The following TPRG1L variants were observed in gnomAD, a reference collection of about 807,000 sequenced individuals.
TPRG1L encodes the protein tumor protein p63-regulated gene 1-like protein.
A neutral mutation model predicts 29.4 loss-of-function variants in TPRG1L; 25 were observed. That is an observed-to-expected ratio of 0.85 (90% CI 0.62 to 1.19). The LOEUF (loss-of-function observed/expected upper bound fraction) is 1.19. Among genes scored for constraint, TPRG1L ranks in the 50% most tolerant of loss-of-function variants. The pLI is 0.00. For missense variants in TPRG1L, 354 were observed against 364.4 expected, an observed-to-expected ratio of 0.97 and a Z score of 0.23; for synonymous variants, 182 against 151.1, an observed-to-expected ratio of 1.20 and a Z score of -1.50.
intron 1 of TPRG1L, 53 bp from the exon 2 acceptor site, chr1:3,625,371 C>G: frequency 6.5e-7 from 1 of 1,545,594 alleles, no homozygotes; most frequent in Non-Finnish European, 8.7e-7. Context: ...CCGCAGGGAG[C>G]GAGCTGTGAC....
Position 3,625,764 on chromosome 1 carries a change from G to A in TPRG1L, c.345G>A (p.Gln115=), listed in dbSNP as rs760976802. 1 of 1,613,598 alleles carries A rather than the reference G, an allele frequency of 6.2e-7. No homozygotes were observed. The highest frequency in any genetic ancestry group is 1.7e-5 in the Admixed American group (1 of 60,026). Residue 115 remains glutamine (Q), a synonymous_variant, in exon 3 of 5, where the codon CAG becomes CAA. Coordinates refer to ENST00000378344, the MANE Select transcript of TPRG1L (RefSeq NM_182752.4). ...EKERLVLVTE[Q]SLLICKYDFI... is the part of the protein sequence containing the mutation. ...AGCGGCTGGTGCTGGTCACGGAGCAGTCCCTGCTTATCTGTAAATACGACT... is the reference window on the plus strand; with the variant it reads ...AGCGGCTGGTGCTGGTCACGGAGCAATCCCTGCTTATCTGTAAATACGACT...
At chr1:3,627,409 C>A in intron 3 of TPRG1L, 91 bp from the exon 4 acceptor site, 1 of 1,465,116 alleles carries the variant, frequency 6.8e-7, no homozygotes, top group Non-Finnish European at 9.4e-7. Context: ...TTTTTGCTGT[C>A]ATATTCTCCT....
rs1278670545 is a variant in TPRG1L at position 3,628,679 on chromosome 1, G to A, written c.*76G>A. On this transcript the variant is annotated 3_prime_UTR_variant, in exon 5 of 5. Coordinates refer to ENST00000378344, the MANE Select transcript of TPRG1L (RefSeq NM_182752.4). ...CAGAAGGCCAAGGGATGTGGGGGCT[G>A]GGGGACTGGGAGGCCTGGCAGTCTT... The A allele has an allele frequency of 1.4e-6, 2 of 1,445,448 alleles. No homozygotes were observed. Among genetic ancestry groups the A allele is most frequent in the East Asian group, 2.4e-5 (1 of 42,258 alleles). The allele number at this position is 1,445,448 out of a possible 1,614,324, so 89.5% of individuals were successfully genotyped here. A position where few individuals can be genotyped will look rare whatever the true frequency, so the allele number is the denominator to read the frequency against.
At position 3,625,863 on chromosome 1, in the gene TPRG1L, C is replaced by G. The variant is rs1644484203; in HGVS notation, c.444C>G (p.Phe148Leu). Reference protein sequence around the residue: ...NAVDTISYGEFQFPPKSLNKR... With the variant: ...NAVDTISYGELQFPPKSLNKR... The stretch of plus-strand genomic sequence containing the variant: ...TAGACACCATTTCCTACGGAGAATT[C>G]CAGTTTCCCCCTAAATCGCTCAACA... Residue 148 changes from phenylalanine (F) to leucine (L), a missense_variant, in exon 3 of 5, where the codon TTC becomes TTG. Coordinates refer to ENST00000378344, the MANE Select transcript of TPRG1L (RefSeq NM_182752.4). 6.2e-7 allele frequency: 1 copy of G among 1,612,250 alleles called. No individual in the cohort carries two copies. The highest frequency in any genetic ancestry group is 1.3e-5 in the African/African-American group (1 of 74,898).
chr1:3,627,575 G>T lies in TPRG1L; in HGVS notation c.546G>T (p.Trp182Cys). The change falls in exon 4 of 5, where the codon TGG becomes TGT. Residue 182 changes from tryptophan to cysteine, a missense_variant. Trp to Cys is a radical substitution (Grantham distance 215). Coordinates refer to ENST00000378344, the MANE Select transcript of TPRG1L (RefSeq NM_182752.4). ...RPSFINRWNPWSTNVPYATFT... is the reference protein window; with the variant it reads ...RPSFINRWNPCSTNVPYATFT... ...CCTTCATAAACAGATGGAATCCCTG[G>T]TCTACCAACGTGCCCTATGCCACTT... 1 of 1,614,030 alleles carries T rather than the reference G, an allele frequency of 6.2e-7. No homozygotes were observed. Among genetic ancestry groups the T allele is most frequent in the Non-Finnish European group, 8.5e-7 (1 of 1,180,024 alleles).
rs1644505812 is a variant in TPRG1L, at chr1:3,628,662, C to T, written c.*59C>T. On this transcript the variant is annotated 3_prime_UTR_variant, in exon 5 of 5. Coordinates refer to ENST00000378344, the MANE Select transcript of TPRG1L (RefSeq NM_182752.4). ...GAGCTCCTCCCCCTCCCCAGAAGGC[C>T]AAGGGATGTGGGGGCTGGGGGACTG... 1.4e-6 allele frequency: 2 copies of T among 1,459,268 alleles called. No individual in the cohort carries two copies. Among genetic ancestry groups the T allele is most frequent in the Non-Finnish European group, 1.8e-6 (2 of 1,081,436 alleles). 90.4% of individuals were successfully genotyped at this position (1,459,268 alleles called of 1,614,324 possible). A position where few individuals can be genotyped will look rare whatever the true frequency, so the allele number is the denominator to read the frequency against.
chr1:3,626,821 C>T (rs1025623060), intron 3 of TPRG1L, among the ~76,000 whole-genome samples: 3 of 152,086 alleles, frequency 2.0e-5, no homozygotes, highest in African/African-American at 4.8e-5. Context: ...TCAAGAGATC[C>T]GCCCATTTTG....
At position 3,627,520 on chromosome 1, in the gene TPRG1L, G is replaced by C. The variant is rs778701998; in HGVS notation, c.491G>C (p.Arg164Pro). The part of the protein sequence containing the change: ...SLNKREGFGI[R>P]IQWDKQSRPS... Reference sequence around the variant, plus strand: ...TTCAGGCGAGAAGGTTTTGGGATTCGAATTCAGTGGGACAAGCAAAGTCGT... The same window carrying C: ...TTCAGGCGAGAAGGTTTTGGGATTCCAATTCAGTGGGACAAGCAAAGTCGT... Residue 164 changes from arginine (R) to proline (P), a missense_variant, in exon 4 of 5, where the codon CGA becomes CCA. Arg to Pro is a moderately radical substitution (Grantham distance 103). Transcript: ENST00000378344. 3.1e-6 allele frequency: 5 copies of C among 1,613,962 alleles called. No individual in the cohort carries two copies. The highest frequency in any genetic ancestry group is 4.2e-6 in the Non-Finnish European group (5 of 1,180,004).
rs1194404025 is a variant in TPRG1L at position 3,625,545 on chromosome 1, G to C, written c.293+30G>C. 4 of 1,588,364 alleles carry C rather than the reference G, an allele frequency of 2.5e-6. No homozygotes were observed. In the East Asian group the frequency reaches 9.1e-5, roughly 36 times the overall value. On this transcript the variant is annotated intron_variant, in intron 2 of 4. Coordinates refer to ENST00000378344, the MANE Select transcript of TPRG1L (RefSeq NM_182752.4). The stretch of plus-strand genomic sequence containing the variant: ...GCCGGGGCTGCGCTCTCCTTGGTGG[G>C]GGGACTCGCCCCGAGCCGCCGCGCA...
chr1:3,628,422 A>G lies in TPRG1L; in HGVS notation c.638A>G (p.Lys213Arg), dbSNP rs775502940. ...CTCTCTTTAAAGTTGGAAAGCTTCAAGGCTCTGTTAATCCAAGCTGTCAAA... is the reference window on the plus strand; with the variant it reads ...CTCTCTTTAAAGTTGGAAAGCTTCAGGGCTCTGTTAATCCAAGCTGTCAAA... Reference protein sequence around the residue: ...TASLCQLESFKALLIQAVKKA... With the variant: ...TASLCQLESFRALLIQAVKKA... The change falls in exon 5 of 5, where the codon AAG becomes AGG. Residue 213 changes from lysine (K) to arginine (R), a missense_variant. Transcript: ENST00000378344. 5.6e-6 allele frequency: 9 copies of G among 1,603,760 alleles called. No individual in the cohort carries two copies. In the Admixed American group the frequency reaches 1.5e-4, roughly 27 times the overall value.
chr1:3,629,152 G>A lies in TPRG1L; in HGVS notation c.*549G>A, dbSNP rs1288499107. 6.6e-6 allele frequency: 1 copy of A among 152,204 alleles called. No homozygotes were observed. Among genetic ancestry groups the A allele is most frequent in the Non-Finnish European group, 1.5e-5 (1 of 68,050 alleles). The allele number at this position is 152,204 out of a possible 1,614,324, so 9.4% of individuals were successfully genotyped here. On this transcript the variant is annotated 3_prime_UTR_variant, in exon 5 of 5. Coordinates refer to ENST00000378344, the MANE Select transcript of TPRG1L (RefSeq NM_182752.4). ...ACCGGTTGACTGAGACCGGTCTGTG[G>A]CTGTGGGCCCCTTGGTGACCCGCTG...
Position 3,625,351 on chromosome 1 carries a change from C to T in TPRG1L, c.202-73C>T, listed in dbSNP as rs188462649. On this transcript the variant is annotated intron_variant, in intron 1 of 4. Coordinates refer to ENST00000378344, the MANE Select transcript of TPRG1L (RefSeq NM_182752.4). ...GGGCGGGTGGGGTCGGAGGCGGGCG[C>T]CGGGCGGTCCCGCAGGGAGCGAGCT... is the stretch of plus-strand genomic sequence containing the variant. The T allele has an allele frequency of 9.7e-4, 1,488 of 1,535,654 alleles. 13 individuals carry two copies. The African/African-American group carries it at 0.019, about 19-fold the overall frequency.
intron 3 of TPRG1L, among the ~76,000 whole-genome samples, chr1:3,626,239 GCATATGACA>G (rs752513748): frequency 2.0e-5 from 3 of 152,240 alleles, no homozygotes; most frequent in Non-Finnish European, 2.9e-5. Flanking sequence ...GGGACAGATT[GCATATGACA>G]CATCAAGTCT....
At chr1:3,627,718 G>A (rs949655465) in intron 4 of TPRG1L, 65 bp downstream of exon 4, 15 of 1,599,936 alleles carry the variant, frequency 9.4e-6, no homozygotes, top group East Asian at 4.5e-5. Context: ...CCGCAGTCAC[G>A]GAGACACTTC....
At chr1:3,627,686 C>G (rs1310707827) in intron 4 of TPRG1L, 33 bp downstream of exon 4, 37 of 1,610,418 alleles carry the variant, frequency 2.3e-5, no homozygotes, top group Non-Finnish European at 3.1e-5. Context: ...AGCCGCGCCC[C>G]CCGCAGTGAT....
At position 3,628,594 on chromosome 1, in the gene TPRG1L, A is replaced by T; in HGVS notation, c.810A>T (p.Ile270=). 6.2e-7 allele frequency: 1 copy of T among 1,601,566 alleles called. No homozygotes were observed. ...GCTACTCCATGACCAGGGGCAAAAT[A>T]GGCTTTTAGCCGCTGCGTTCTGGGA... ...KLGYSMTRGK[I]GF The change falls in exon 5 of 5, where the codon ATA becomes ATT. Residue 270 remains isoleucine, a synonymous_variant. Coordinates refer to ENST00000378344, the MANE Select transcript of TPRG1L (RefSeq NM_182752.4).
chr1:3,625,379 G>A lies in TPRG1L; in HGVS notation c.202-45G>A, dbSNP rs928363058. On this transcript the variant is annotated intron_variant, in intron 1 of 4. Transcript: ENST00000378344. ...GGCGGTCCCGCAGGGAGCGAGCTGT[G>A]ACCTGTGATCTTTGCCCCCGTCCCC... 1.2e-5 allele frequency: 19 copies of A among 1,550,428 alleles called. No individual in the cohort carries two copies. The Admixed American group carries it at 1.4e-4, about 11-fold the overall frequency.
rs1171318855 is a variant in TPRG1L at position 3,628,529 on chromosome 1, G to C, written c.745G>C (p.Val249Leu). Reference protein sequence around the residue: ...LERPLLIETYVGLMSFINNEA... With the variant: ...LERPLLIETYLGLMSFINNEA... ...GCGCCCCCTGCTCATCGAGACCTACGTGGGACTCATGTCCTTCATTAACAA... is the reference window on the plus strand; with the variant it reads ...GCGCCCCCTGCTCATCGAGACCTACCTGGGACTCATGTCCTTCATTAACAA... The change falls in exon 5 of 5, where the codon GTG becomes CTG. Residue 249 changes from valine (V) to leucine (L), a missense_variant. Val to Leu is a conservative substitution (Grantham distance 32). Transcript: ENST00000378344. The C allele has an allele frequency of 6.2e-7, 1 of 1,613,688 alleles. No homozygotes were observed. Among genetic ancestry groups the C allele is most frequent in the Non-Finnish European group, 8.5e-7 (1 of 1,179,898 alleles).
rs187604367 is a variant in TPRG1L at position 3,628,317 on chromosome 1, G to A, written c.625-92G>A. On this transcript the variant is annotated intron_variant, in intron 4 of 4. Coordinates refer to ENST00000378344, the MANE Select transcript of TPRG1L (RefSeq NM_182752.4). ...CGAAGAGATAGGCGGCATTTGGAGG[G>A]ATTTAAGTGTCTCAGAATGCTAATT... 962 of 1,144,600 alleles carry A rather than the reference G, an allele frequency of 8.4e-4. 10 individuals carry two copies. In the African/African-American group the frequency reaches 0.013, roughly 16 times the overall value. The allele number at this position is 1,144,600 out of a possible 1,614,324, so 70.9% of individuals were successfully genotyped here. A position where few individuals can be genotyped will look rare whatever the true frequency, so the allele number is the denominator to read the frequency against.
Sources: allele counts gnomAD v4.1 joint callset (sites outside exome capture counted in the v4.1 genomes callset), GRCh38; gene constraint gnomAD v4.1.1; transcripts MANE v1.5; gene names NCBI Gene and HGNC (gene_info 2026-07-23, HGNC 2026-07-21).